The following RSPO2 variants were observed in gnomAD, a reference collection of about 807,000 sequenced individuals.
The protein encoded by RSPO2 is R-spondin 2, also known as R-spondin-2.
A neutral mutation model predicts 30.9 loss-of-function variants in RSPO2; 14 were observed. The observed-to-expected ratio is 0.45, with a 90% CI of 0.30 to 0.71. The LOEUF (loss-of-function observed/expected upper bound fraction) is 0.71, where lower values mean the gene tolerates loss of function less well. Ranked by LOEUF, RSPO2 falls within the 30% of genes least tolerant of loss-of-function variation. RSPO2 has a pLI of 0.08. For synonymous variants in RSPO2, 107 were observed against 96.4 expected (o/e 1.11, Z -0.64); for missense variants, 264 against 301.9 (o/e 0.87, Z 0.93).
At chr8:107,921,358 G>A (rs956514394) in intron 5 of RSPO2, among the ~76,000 whole-genome samples, 4 of 151,822 alleles carry the variant, frequency 2.6e-5, no homozygotes, top group Non-Finnish European at 5.9e-5. Flanking sequence ...CTTCCATTGT[G>A]AGATATGAGG....
intron 3 of RSPO2, among the ~76,000 whole-genome samples, chr8:107,982,591 T>C (rs1814483588): frequency 6.6e-6 from 1 of 152,170 alleles, no homozygotes; most frequent in African/African-American, 2.4e-5. Context: ...TATCAGATTC[T>C]CTTTTTAAAT....
chr8:107,936,892 G>T (rs545254581), intron 5 of RSPO2, among the ~76,000 whole-genome samples: 3 of 151,922 alleles, frequency 2.0e-5, no homozygotes, highest in African/African-American at 4.8e-5. Flanking sequence ...CTGGATATTC[G>T]TCTCTTATTG....
At chr8:108,066,192 A>G (rs944171877) in intron 2 of RSPO2, among the ~76,000 whole-genome samples, 19 of 152,216 alleles carry the variant, frequency 1.2e-4, no homozygotes, top group Non-Finnish European at 2.4e-4. Flanking sequence ...CATTACTTGT[A>G]TTCTACAACA....
intron 5 of RSPO2, among the ~76,000 whole-genome samples, chr8:107,908,523 G>A (rs1252957775): frequency 6.6e-6 from 1 of 152,170 alleles, no homozygotes; most frequent in Non-Finnish European, 1.5e-5. Flanking sequence ...TCTACCACAA[G>A]GGGGCAATAA....
chr8:107,936,557 G>A (rs557449965), intron 5 of RSPO2, among the ~76,000 whole-genome samples: 1 of 152,240 alleles, frequency 6.6e-6, no homozygotes, highest in South Asian at 2.1e-4. Context: ...TATAGTGGTT[G>A]TATTAATTTA....
chr8:107,936,385 TA>T (rs1249561697), intron 5 of RSPO2, among the ~76,000 whole-genome samples: 1 of 152,208 alleles, frequency 6.6e-6, no homozygotes, highest in Non-Finnish European at 1.5e-5. Flanking sequence ...ATATCTTTGC[TA>T]TTGTGAATAG....
At chr8:107,963,601 G>T (rs1159289857) in intron 3 of RSPO2, among the ~76,000 whole-genome samples, 1 of 148,274 alleles carries the variant, frequency 6.7e-6, no homozygotes, top group African/African-American at 2.5e-5. Context: ...ACGTATGTGT[G>T]CGTGTGTTCA....
chr8:107,968,864 A>C (rs1040434846), intron 3 of RSPO2, among the ~76,000 whole-genome samples: 17 of 151,990 alleles, frequency 1.1e-4, no homozygotes, highest in African/African-American at 4.1e-4. Context: ...AGTTTTAATA[A>C]ATAAATATAT....
At chr8:108,058,399 A>G (rs1437730688) in intron 2 of RSPO2, among the ~76,000 whole-genome samples, 1 of 152,230 alleles carries the variant, frequency 6.6e-6, no homozygotes, top group Non-Finnish European at 1.5e-5. Context: ...GGAAGAATCA[A>G]TATCATGAAA....
At chr8:107,946,584 T>C (rs568484680) in intron 5 of RSPO2, among the ~76,000 whole-genome samples, 1 of 152,102 alleles carries the variant, frequency 6.6e-6, no homozygotes, top group East Asian at 1.9e-4. Flanking sequence ...TAAAGGAGAA[T>C]GAAGAGGCAA....
intron 5 of RSPO2, among the ~76,000 whole-genome samples, chr8:107,920,931 G>C (rs1303875045): frequency 4.3e-4 from 65 of 152,102 alleles, no homozygotes; most frequent in Non-Finnish European, 2.9e-5. Flanking sequence ...GGTACAACCT[G>C]TCTGGAATGC....
chr8:107,981,188 T>A (rs1224362121), intron 3 of RSPO2, among the ~76,000 whole-genome samples: 3 of 151,268 alleles, frequency 2.0e-5, no homozygotes, highest in South Asian at 4.2e-4. Context: ...ATACCTAGAC[T>A]TTTTTTTTCC....
At chr8:107,966,906 A>C (rs1813825903) in intron 3 of RSPO2, among the ~76,000 whole-genome samples, 1 of 152,018 alleles carries the variant, frequency 6.6e-6, no homozygotes, top group Non-Finnish European at 1.5e-5. Context: ...AACCTCAAAC[A>C]CCCCTGGGAA....
chr8:108,049,097 G>A (rs114388469), intron 2 of RSPO2, among the ~76,000 whole-genome samples: 3,271 of 151,884 alleles, frequency 0.022, 117 homozygotes, highest in African/African-American at 0.074. Flanking sequence ...GAGGCCTGTC[G>A]GAGGGTGGGG....
At chr8:108,000,735 C>T (rs773176972) in intron 2 of RSPO2, among the ~76,000 whole-genome samples, 7 of 152,130 alleles carry the variant, frequency 4.6e-5, no homozygotes, top group Non-Finnish European at 8.8e-5. Context: ...GGCACGGTGG[C>T]TCATGCCTGT....
chr8:107,977,443 C>G (rs1464726629), intron 3 of RSPO2, among the ~76,000 whole-genome samples: 2 of 152,136 alleles, frequency 1.3e-5, no homozygotes, highest in Admixed American at 6.6e-5. Context: ...CTTTGAGAAC[C>G]ACTTCATTCT....
intron 5 of RSPO2, among the ~76,000 whole-genome samples, chr8:107,905,051 C>T (rs543843067): frequency 7.9e-5 from 12 of 152,196 alleles, no homozygotes; most frequent in South Asian, 4.1e-4. Context: ...TATTTTGAAC[C>T]AAGATATAGG....
intron 2 of RSPO2, among the ~76,000 whole-genome samples, chr8:108,042,968 G>C (rs1305666621): frequency 1.3e-5 from 2 of 151,960 alleles, no homozygotes; most frequent in Non-Finnish European, 2.9e-5. Context: ...CTGTTGCAAG[G>C]AGCAAATGAA....
intron 2 of RSPO2, among the ~76,000 whole-genome samples, chr8:108,058,635 G>C (rs1256554997): frequency 1.3e-5 from 2 of 151,946 alleles, no homozygotes; most frequent in African/African-American, 4.8e-5. Flanking sequence ...GCATGGTACT[G>C]GTACCAAAAC....
Sources: allele counts gnomAD v4.1 joint callset (sites outside exome capture counted in the v4.1 genomes callset), GRCh38; gene constraint gnomAD v4.1.1; transcripts MANE v1.5; gene names NCBI Gene and HGNC (gene_info 2026-07-23, HGNC 2026-07-21).